Variants in ABCA13 observed in about 807,000 individuals in gnomAD.
The protein encoded by ABCA13 is ATP-binding cassette sub-family A member 13.
ABCA13 carries 476 observed loss-of-function variants against 478.7 expected under a neutral mutation model. The ratio of observed to expected loss-of-function variants is 0.99; its 90% CI spans 0.92 to 1.07. The LOEUF (loss-of-function observed/expected upper bound fraction) is 1.07. ABCA13 is among the 50% of genes least tolerant of loss of function. The pLI, the probability that ABCA13 is intolerant of heterozygous loss-of-function variation, is 0.00. For missense variants in ABCA13, 6,060 were observed against 5,910.6 expected (o/e 1.03, Z -0.83); for synonymous variants, 2,252 against 2,158.9 (o/e 1.04, Z -1.20).
At chr7:48,566,746 G>T (rs894163753) in intron 55 of ABCA13, among the ~76,000 whole-genome samples, 31 of 152,088 alleles carry the variant, frequency 2.0e-4, no homozygotes, top group Non-Finnish European at 8.8e-5. Flanking sequence ...GTTGGTCTTC[G>T]TAGATCCTTA....
rs568647456 is a variant in ABCA13, at chr7:48,227,235, C to G, written c.469-27C>G. On this transcript the variant is annotated intron_variant, in intron 5 of 61. Transcript: ENST00000435803. ...TTATTAATAAAACTCCAGAGGGAAA[C>G]TTTTGGTGTATTTTTTTTCCCATCA... 35 of 1,609,586 alleles carry G rather than the reference C, an allele frequency of 2.2e-5. No homozygotes were observed. The African/African-American group carries it at 4.0e-4, about 18-fold the overall frequency.
chr7:48,219,733 G>A (rs1469620633), intron 4 of ABCA13, among the ~76,000 whole-genome samples: 2 of 152,110 alleles, frequency 1.3e-5, no homozygotes, highest in East Asian at 3.9e-4. Context: ...TGCACACACT[G>A]CATAACCTTC....
chr7:48,366,250 T>C lies in ABCA13; in HGVS notation c.10689-1544T>C, dbSNP rs530430866. Among the ~76,000 whole-genome samples, 8 of 152,174 alleles carry C rather than the reference T, an allele frequency of 5.3e-5. 1 individual carries two copies. The South Asian group carries it at 6.2e-4, about 12-fold the overall frequency. Reference sequence around the variant, plus strand: ...AACCTCTGGTCCTTGCCCTTTTTTTTCCTTTGCCTGGAGCAGTCTTCCTTT... The same window carrying C: ...AACCTCTGGTCCTTGCCCTTTTTTTCCCTTTGCCTGGAGCAGTCTTCCTTT... On this transcript the variant is annotated intron_variant, in intron 31 of 61. Transcript: ENST00000435803.
At chr7:48,460,140 A>T (rs1468409833) in intron 43 of ABCA13, among the ~76,000 whole-genome samples, 1 of 152,182 alleles carries the variant, frequency 6.6e-6, no homozygotes, top group East Asian at 1.9e-4. Context: ...TTAAGAACCC[A>T]AGAGGGCCAG....
chr7:48,544,989 C>A (rs1301322752), intron 55 of ABCA13, among the ~76,000 whole-genome samples: 1 of 151,948 alleles, frequency 6.6e-6, no homozygotes, highest in South Asian at 2.1e-4. Context: ...GAAATCCCCA[C>A]ACATTTGGTC....
chr7:48,498,176 A>G (rs1830440843), intron 48 of ABCA13, among the ~76,000 whole-genome samples: 1 of 152,106 alleles, frequency 6.6e-6, no homozygotes, highest in South Asian at 2.1e-4. Context: ...TGGAAGATTC[A>G]CTACCCAATG....
chr7:48,425,352 T>C (rs1461063377), intron 41 of ABCA13, among the ~76,000 whole-genome samples: 1 of 152,248 alleles, frequency 6.6e-6, no homozygotes, highest in Non-Finnish European at 1.5e-5. Flanking sequence ...GTATGCTTCA[T>C]ATAATCATAG....
intron 38 of ABCA13, among the ~76,000 whole-genome samples, chr7:48,395,030 C>T (rs927232081): frequency 2.0e-5 from 3 of 152,168 alleles, no homozygotes; most frequent in African/African-American, 7.2e-5. Context: ...AGTGGGTGGG[C>T]TGCAATATGT....
chr7:48,567,218 G>GCA (rs769204765), intron 55 of ABCA13, among the ~76,000 whole-genome samples: 35 of 152,088 alleles, frequency 2.3e-4, no homozygotes, highest in Non-Finnish European at 4.6e-4. Flanking sequence ...TGCTTTGAAG[G>GCA]CAGAAAGACC....
chr7:48,393,204 G>A (rs1265991236), intron 38 of ABCA13, among the ~76,000 whole-genome samples: 1 of 152,218 alleles, frequency 6.6e-6, no homozygotes, highest in Non-Finnish European at 1.5e-5. Context: ...TGAAAGTCAT[G>A]GAGAGTAGCT....
At chr7:48,576,337 T>C (rs994682693) in intron 55 of ABCA13, among the ~76,000 whole-genome samples, 10 of 152,140 alleles carry the variant, frequency 6.6e-5, no homozygotes, top group Non-Finnish European at 1.3e-4. Flanking sequence ...GTAGGCTCAG[T>C]GTGGACTAAC....
In ABCA13 at chr7:48,338,455, G is replaced by A. The variant is rs143194909; in HGVS notation, c.10204G>A (p.Gly3402Arg). The change falls in exon 29 of 62, where the codon GGA (glycine) becomes AGA (arginine). Residue 3402 changes from glycine (G) to arginine (R), a missense_variant and splice_region_variant. Gly to Arg is a moderately radical substitution (Grantham distance 125). Transcript: ENST00000435803. ...ACTTACTGAAAAACTCCAGACATAC[G>A]GTAAGTGTGCTGATGGGCATGGTAG... Reference protein sequence around the residue: ...DKLTEKLQTYGGLLDEMFNHA... With the variant: ...DKLTEKLQTYRGLLDEMFNHA... The A allele has an allele frequency of 1.8e-5, 29 of 1,584,696 alleles. No individual in the cohort carries two copies. The highest frequency in any genetic ancestry group is 1.3e-4 in the African/African-American group (10 of 74,304).
At chr7:48,542,505 T>C (rs1278053552) in intron 55 of ABCA13, among the ~76,000 whole-genome samples, 2 of 151,548 alleles carry the variant, frequency 1.3e-5, no homozygotes, top group Non-Finnish European at 3.0e-5. Flanking sequence ...AGAAGATCAA[T>C]TAAGAAATAA....
intron 1 of ABCA13, among the ~76,000 whole-genome samples, chr7:48,189,595 G>GT (rs1210295867): frequency 6.6e-6 from 1 of 152,180 alleles, no homozygotes; most frequent in Non-Finnish European, 1.5e-5. Flanking sequence ...AAGATTCAAG[G>GT]TTTTATTTTC....
intron 55 of ABCA13, among the ~76,000 whole-genome samples, chr7:48,559,093 C>T (rs1027388289): frequency 6.6e-6 from 1 of 152,192 alleles, no homozygotes; most frequent in Non-Finnish European, 1.5e-5. Flanking sequence ...AGAAACCAGC[C>T]ATGTTTGTGT....
intron 4 of ABCA13, among the ~76,000 whole-genome samples, chr7:48,220,838 A>G (rs1434529053): frequency 2.0e-5 from 3 of 152,160 alleles, no homozygotes; most frequent in African/African-American, 7.2e-5. Context: ...CTAGTTTTCT[A>G]TTATTTGAGC....
At chr7:48,432,867 T>C (rs1822329016) in intron 42 of ABCA13, among the ~76,000 whole-genome samples, 1 of 152,074 alleles carries the variant, frequency 6.6e-6, no homozygotes, top group African/African-American at 2.4e-5. Flanking sequence ...ATTTCAGTTA[T>C]ATAGGAGAAA....
rs1056197774 is a variant in ABCA13 at position 48,423,662 on chromosome 7, C to A, written c.12460-4104C>A. Reference sequence around the variant, plus strand: ...AGATGTAGATCCCCAAATGAAGAATCCCAAAACTTTTGAATTTACTGTCCC... The same window carrying A: ...AGATGTAGATCCCCAAATGAAGAATACCAAAACTTTTGAATTTACTGTCCC... On this transcript the variant is annotated intron_variant, in intron 41 of 61. Coordinates refer to ENST00000435803, the MANE Select transcript of ABCA13 (RefSeq NM_152701.5). 2.0e-5 allele frequency among the ~76,000 whole-genome samples: 3 copies of A among 152,086 alleles called. No individual in the cohort carries two copies. In the South Asian group the frequency reaches 6.2e-4, roughly 32 times the overall value.
chr7:48,211,242 C>G (rs550305423), intron 3 of ABCA13, among the ~76,000 whole-genome samples: 2 of 152,090 alleles, frequency 1.3e-5, no homozygotes, highest in Non-Finnish European at 2.9e-5. Flanking sequence ...TTGTTTGTAC[C>G]CATCCTTCTT....
Sources: allele counts gnomAD v4.1 joint callset (sites outside exome capture counted in the v4.1 genomes callset), GRCh38; gene constraint gnomAD v4.1.1; transcripts MANE v1.5; gene names NCBI Gene and HGNC (gene_info 2026-07-23, HGNC 2026-07-21).